Variants in PLCB4 observed in about 807,000 individuals in gnomAD.
PLCB4 encodes the protein phospholipase C beta 4.
A neutral mutation model predicts 178.8 loss-of-function variants in PLCB4; 77 were observed. The ratio of observed to expected loss-of-function variants is 0.43; its 90% CI spans 0.36 to 0.52. The LOEUF is 0.52. Among genes scored for constraint, PLCB4 ranks in the 20% least tolerant of loss-of-function variants. The pLI, the probability that PLCB4 is intolerant of heterozygous loss-of-function variation, is 0.00. For missense variants in PLCB4, 1,024 were observed against 1,453.4 expected (o/e 0.70, Z 4.80); for synonymous variants, 496 against 490.8 (o/e 1.01, Z -0.14).
Position 9,459,822 on chromosome 20 carries a change from G to A in PLCB4, c.3248+12G>A, listed in dbSNP as rs1238297076. The stretch of plus-strand genomic sequence containing the variant: ...CTGTCCCATGACAGGTGGGGGAATT[G>A]CCGTCTCCAGAGTAAACATCTAATA... On this transcript the variant is annotated intron_variant, in intron 35 of 39. Coordinates refer to ENST00000378473, the MANE Select transcript of PLCB4 (RefSeq NM_001377142.1). 6.3e-7 allele frequency: 1 copy of A among 1,579,100 alleles called. No individual in the cohort carries two copies. Among genetic ancestry groups the A allele is most frequent in the Non-Finnish European group, 8.7e-7 (1 of 1,151,290 alleles).
chr20:9,118,266 C>T (rs755324265), intron 2 of PLCB4, among the ~76,000 whole-genome samples: 12 of 117,178 alleles, frequency 1.0e-4, no homozygotes, highest in African/African-American at 1.4e-4. Context: ...ATTCCCCTTC[C>T]TGTGTCCATG....
chr20:9,232,745 A>G (rs1601334461), intron 3 of PLCB4, among the ~76,000 whole-genome samples: 2 of 152,116 alleles, frequency 1.3e-5, no homozygotes, highest in Non-Finnish European at 2.9e-5. Context: ...TTTGATGAAA[A>G]CTGAGTGGTA....
chr20:9,105,764 A>T (rs1056990388), intron 2 of PLCB4, among the ~76,000 whole-genome samples: 1 of 152,112 alleles, frequency 6.6e-6, no homozygotes, highest in African/African-American at 2.4e-5. Context: ...TTCTGGAAAA[A>T]TAAAGCAGGG....
intron 4 of PLCB4, among the ~76,000 whole-genome samples, chr20:9,327,703 A>G (rs982968397): frequency 1.3e-5 from 2 of 152,126 alleles, no homozygotes; most frequent in Admixed American, 1.3e-4. Context: ...GTGAACCCAG[A>G]AGGCAGAGGT....
chr20:9,133,557 A>G (rs950311530), intron 2 of PLCB4, among the ~76,000 whole-genome samples: 1 of 152,130 alleles, frequency 6.6e-6, no homozygotes, highest in Admixed American at 6.6e-5. Context: ...GTGAGCCACC[A>G]CACCCAGTCT....
chr20:9,311,852 A>G (rs1298697242), intron 4 of PLCB4, among the ~76,000 whole-genome samples: 5 of 152,160 alleles, frequency 3.3e-5, no homozygotes, highest in Non-Finnish European at 7.3e-5. Flanking sequence ...ACTTTCCACA[A>G]TGATAGAAAT....
chr20:9,149,136 C>T (rs58629061), intron 2 of PLCB4, among the ~76,000 whole-genome samples: 10,863 of 152,204 alleles, frequency 0.071, 523 homozygotes, highest in East Asian at 0.13. Context: ...TTCTCTGCCT[C>T]TCTGCTTTCT....
chr20:9,408,580 G>A (rs910635229), intron 22 of PLCB4, 53 bp from the exon 23 acceptor site: 40 of 839,032 alleles, frequency 4.8e-5, no homozygotes, highest in Middle Eastern at 2.2e-4. Context: ...GCTGTTTTTC[G>A]GTGAGGGTTT....
intron 3 of PLCB4, among the ~76,000 whole-genome samples, chr20:9,282,148 C>G (rs543422098): frequency 2.0e-5 from 3 of 152,080 alleles, no homozygotes; most frequent in African/African-American, 4.8e-5. Flanking sequence ...TGTAGACACA[C>G]AACTTTGTTA....
chr20:9,309,103 C>T (rs775827920), intron 4 of PLCB4, among the ~76,000 whole-genome samples: 2 of 152,110 alleles, frequency 1.3e-5, no homozygotes, highest in African/African-American at 2.4e-5. Context: ...AAAATGCTTC[C>T]ATCACTTCCC....
chr20:9,301,678 C>T (rs952128002), intron 3 of PLCB4, among the ~76,000 whole-genome samples: 28 of 152,120 alleles, frequency 1.8e-4, no homozygotes, highest in African/African-American at 6.8e-4. Flanking sequence ...CGACAGCCCA[C>T]CTCAGCCCCC....
At chr20:9,248,764 TTA>T (rs1350480339) in intron 3 of PLCB4, among the ~76,000 whole-genome samples, 2 of 152,224 alleles carry the variant, frequency 1.3e-5, no homozygotes, top group Non-Finnish European at 2.9e-5. Flanking sequence ...GCAGGTTCCT[TTA>T]TGAGGTTTTC....
At chr20:9,449,183 A>T (rs2042597440) in intron 32 of PLCB4, among the ~76,000 whole-genome samples, 1 of 152,110 alleles carries the variant, frequency 6.6e-6, no homozygotes, top group Admixed American at 6.5e-5. Context: ...AATTAACAAT[A>T]ATCCTCCCCC....
chr20:9,368,950 T>C (rs1238715187), intron 9 of PLCB4, among the ~76,000 whole-genome samples: 1 of 152,196 alleles, frequency 6.6e-6, no homozygotes, highest in Non-Finnish European at 1.5e-5. Flanking sequence ...CATGGGGCTA[T>C]ATAGAGATTT....
chr20:9,475,112 C>G (rs2044459651), intron 38 of PLCB4, among the ~76,000 whole-genome samples: 1 of 152,210 alleles, frequency 6.6e-6, no homozygotes, highest in Non-Finnish European at 1.5e-5. Flanking sequence ...TTTAAAAATT[C>G]TCCCTAGAGG....
intron 4 of PLCB4, among the ~76,000 whole-genome samples, chr20:9,329,104 T>C (rs1457518440): frequency 2.0e-5 from 3 of 152,204 alleles, no homozygotes; most frequent in Middle Eastern, 3.2e-3. Context: ...CTCGTCCTTA[T>C]TGTACACGTG....
chr20:9,239,455 G>C (rs538466150), intron 3 of PLCB4, among the ~76,000 whole-genome samples: 1 of 152,252 alleles, frequency 6.6e-6, no homozygotes, highest in Non-Finnish European at 1.5e-5. Context: ...AGACAGATTA[G>C]CAAGAGAAAA....
intron 28 of PLCB4, among the ~76,000 whole-genome samples, chr20:9,428,664 G>A (rs2041193324): frequency 6.6e-6 from 1 of 152,154 alleles, no homozygotes; most frequent in Non-Finnish European, 1.5e-5. Context: ...CATTGCAGCT[G>A]ATAGGGGAAA....
intron 3 of PLCB4, among the ~76,000 whole-genome samples, chr20:9,276,591 G>A (rs2147658524): frequency 6.6e-6 from 1 of 152,102 alleles, no homozygotes; most frequent in Admixed American, 6.5e-5. Context: ...TGAGATCCAG[G>A]GATTTGTCCA....
Sources: gnomAD v4.1 joint callset for allele counts (sites outside exome capture counted in the v4.1 genomes callset) on GRCh38, gnomAD v4.1.1 for gene constraint, MANE v1.5 for transcripts, NCBI Gene and HGNC (gene_info 2026-07-23, HGNC 2026-07-21) for gene names.